The following GREB1L variants were observed in gnomAD, a reference collection of about 807,000 sequenced individuals.
The protein encoded by GREB1L is GREB1 like retinoic acid receptor coactivator.
In GREB1L, 17 loss-of-function variants were observed where a neutral mutation model predicts 200.8. That is an observed-to-expected ratio of 0.08 (90% CI 0.06 to 0.13). The LOEUF (loss-of-function observed/expected upper bound fraction) is 0.13, where lower values mean the gene tolerates loss of function less well. Ranked by LOEUF, GREB1L falls within the 10% of genes least tolerant of loss-of-function variation. The pLI, the probability that GREB1L is intolerant of heterozygous loss-of-function variation, is 1.00. For synonymous variants in GREB1L, 789 were observed against 893.0 expected (o/e 0.88, Z 2.08); for missense variants, 1,657 against 2,367.7 (o/e 0.70, Z 6.23).
chr18:21,333,964 C>T (rs1246660681), intron 1 of GREB1L, among the ~76,000 whole-genome samples: 1 of 151,204 alleles, frequency 6.6e-6, no homozygotes, highest in Non-Finnish European at 1.5e-5. Context: ...CCTTGGTGAC[C>T]GACTGACGAA....
At chr18:21,336,860 C>T (rs928797935) in intron 1 of GREB1L, among the ~76,000 whole-genome samples, 1 of 152,190 alleles carries the variant, frequency 6.6e-6, no homozygotes, top group African/African-American at 2.4e-5. Context: ...TCTATACCCT[C>T]CCTACCCCGC....
intron 7 of GREB1L, among the ~76,000 whole-genome samples, chr18:21,419,571 A>G (rs2031965420): frequency 6.6e-6 from 1 of 152,104 alleles, no homozygotes; most frequent in African/African-American, 2.4e-5. Flanking sequence ...AGCCTCAGCT[A>G]CCCAAGTAGA....
At chr18:21,305,368 C>A (rs979003209) in intron 1 of GREB1L, among the ~76,000 whole-genome samples, 1 of 152,126 alleles carries the variant, frequency 6.6e-6, no homozygotes, top group Admixed American at 6.5e-5. Flanking sequence ...CTGTTTGATT[C>A]CCTTACATAA....
intron 1 of GREB1L, among the ~76,000 whole-genome samples, chr18:21,286,751 G>T (rs1037466343): frequency 6.6e-6 from 1 of 152,116 alleles, no homozygotes; most frequent in Admixed American, 6.5e-5. Context: ...GCCTGCCTTG[G>T]CCTCCCAAAG....
intron 1 of GREB1L, among the ~76,000 whole-genome samples, chr18:21,252,504 CCGAGAT>C (rs1567908787): frequency 6.8e-6 from 1 of 147,052 alleles, no homozygotes; most frequent in African/African-American, 2.6e-5. Context: ...TTGCGGTGAG[CCGAGAT>C]CGCACCATTG....
chr18:21,388,355 A>C (rs751770308), intron 4 of GREB1L, among the ~76,000 whole-genome samples: 3 of 152,110 alleles, frequency 2.0e-5, no homozygotes, highest in Non-Finnish European at 4.4e-5. Context: ...TTAATATCTT[A>C]GTATAGGACA....
intron 1 of GREB1L, among the ~76,000 whole-genome samples, chr18:21,352,278 T>C (rs2039444996): frequency 6.6e-6 from 1 of 152,204 alleles, no homozygotes; most frequent in Non-Finnish European, 1.5e-5. Flanking sequence ...CTTGTCACAG[T>C]ACATTTATCT....
rs5823302 is a variant in GREB1L at position 21,334,772 on chromosome 18, C to CA, written c.-119-31241dup. Among the ~76,000 whole-genome samples the CA allele has an allele frequency of 3.0e-3, 420 of 140,302 alleles. 3 individuals are homozygous for CA. The South Asian group carries it at 0.031, about 10-fold the overall frequency. The allele number at this position is 140,302 out of a possible 152,430, so 92.0% of individuals were successfully genotyped here. On this transcript the variant is annotated intron_variant, in intron 1 of 32. Transcript: ENST00000424526. ...CTGGTGACAGAGTATGACCCCATCTCAAAAAAAAAAAAAATTGCCCCATTA... is the reference window on the plus strand; with the variant it reads ...CTGGTGACAGAGTATGACCCCATCTCAAAAAAAAAAAAAAATTGCCCCATTA...
At chr18:21,400,774 C>T (rs758699217) in intron 5 of GREB1L, among the ~76,000 whole-genome samples, 13 of 152,132 alleles carry the variant, frequency 8.5e-5, no homozygotes, top group Admixed American at 7.2e-4. Flanking sequence ...AGGGTGAGGA[C>T]GCAGGTTCTC....
At chr18:21,293,378 T>C (rs542393537) in intron 1 of GREB1L, among the ~76,000 whole-genome samples, 121 of 152,232 alleles carry the variant, frequency 7.9e-4, no homozygotes, top group African/African-American at 2.8e-3. Context: ...TGACATAAAA[T>C]CTCTTTAATG....
At chr18:21,427,469 C>T (rs931284545) in intron 7 of GREB1L, among the ~76,000 whole-genome samples, 15 of 151,720 alleles carry the variant, frequency 9.9e-5, no homozygotes, top group African/African-American at 3.4e-4. Context: ...CATGCCACTA[C>T]ACTCCAGCTT....
At position 21,289,122 on chromosome 18, in the gene GREB1L, A is replaced by G. The variant is rs138960628; in HGVS notation, c.-120+46729A>G. Among the ~76,000 whole-genome samples the G allele has an allele frequency of 2.5e-3, 381 of 152,346 alleles. 2 individuals carry two copies. Among genetic ancestry groups the G allele is most frequent in the African/African-American group, 8.7e-3 (362 of 41,580 alleles). The stretch of plus-strand genomic sequence containing the variant: ...AAGACTGTGCATCATACTCTTCATT[A>G]GAGGCTGAGCTACCCTTCTGTACAT... On this transcript the variant is annotated intron_variant, in intron 1 of 32. Coordinates refer to ENST00000424526, the MANE Select transcript of GREB1L (RefSeq NM_001142966.3).
intron 1 of GREB1L, among the ~76,000 whole-genome samples, chr18:21,295,675 G>A (rs1598637361): frequency 1.3e-5 from 2 of 152,174 alleles, no homozygotes; most frequent in Admixed American, 1.3e-4. Context: ...TTCAAGGAGC[G>A]CCCTCCACTG....
At chr18:21,437,552 A>G (rs946381812) in intron 7 of GREB1L, among the ~76,000 whole-genome samples, 31 of 152,088 alleles carry the variant, frequency 2.0e-4, no homozygotes, top group Non-Finnish European at 3.4e-4. Context: ...TGTATACCAC[A>G]GTACTTATAA....
intron 7 of GREB1L, among the ~76,000 whole-genome samples, chr18:21,417,429 G>T (rs758859019): frequency 6.6e-6 from 1 of 152,002 alleles, no homozygotes; most frequent in Non-Finnish European, 1.5e-5. Flanking sequence ...CACGAGAATC[G>T]CTTTAACCCG....
rs575369504 is a variant in GREB1L, at chr18:21,508,328, C to A, written c.4530+49C>A. 6.5e-5 allele frequency: 100 copies of A among 1,550,310 alleles called. No individual in the cohort carries two copies. In the South Asian group the frequency reaches 1.2e-3, roughly 18 times the overall value. ...CAGGCACCAGACCTAGTTCTTTAAG[C>A]GTCTTCAATCTAGAGGCTTTAATTT... is the stretch of plus-strand genomic sequence containing the variant. On this transcript the variant is annotated intron_variant, in intron 26 of 32. Coordinates refer to ENST00000424526, the MANE Select transcript of GREB1L (RefSeq NM_001142966.3).
intron 1 of GREB1L, among the ~76,000 whole-genome samples, chr18:21,344,140 G>T (rs868656252): frequency 1.3e-5 from 2 of 152,154 alleles, no homozygotes; most frequent in Admixed American, 1.3e-4. Context: ...GGTGGCTCAC[G>T]CCTGTAATGC....
At chr18:21,415,504 G>A (rs2031540350) in intron 7 of GREB1L, among the ~76,000 whole-genome samples, 1 of 152,022 alleles carries the variant, frequency 6.6e-6, no homozygotes, top group Non-Finnish European at 1.5e-5. Context: ...CTGTCCCAAA[G>A]GGAGGGAGGG....
chr18:21,272,549 A>C (rs1260512978), intron 1 of GREB1L, among the ~76,000 whole-genome samples: 3 of 152,236 alleles, frequency 2.0e-5, no homozygotes, highest in Non-Finnish European at 4.4e-5. Flanking sequence ...TATTTCTTAA[A>C]GATATTTCAC....
Sources: gnomAD v4.1 joint callset for allele counts (sites outside exome capture counted in the v4.1 genomes callset) on GRCh38, gnomAD v4.1.1 for gene constraint, MANE v1.5 for transcripts, NCBI Gene and HGNC (gene_info 2026-07-23, HGNC 2026-07-21) for gene names.